Variants in TMPPE observed in about 807,000 individuals in gnomAD.
TMPPE encodes transmembrane protein with metallophosphoesterase domain.
A neutral mutation model predicts 22.6 loss-of-function variants in TMPPE; 16 were observed. The observed-to-expected ratio is 0.71, with a 90% CI of 0.48 to 1.08. The LOEUF (loss-of-function observed/expected upper bound fraction) is 1.08. Ranked by LOEUF, TMPPE falls within the 50% of genes least tolerant of loss-of-function variation. The probability of loss-of-function intolerance (pLI) is 0.00; values close to 1 mark genes in which losing one functional copy is unlikely to be tolerated. For synonymous variants in TMPPE, 240 were observed against 245.3 expected, an observed-to-expected ratio of 0.98 and a Z score of 0.20; for missense variants, 526 against 584.3, an observed-to-expected ratio of 0.90 and a Z score of 1.03.
intron 1 of TMPPE, among the ~76,000 whole-genome samples, chr3:33,095,908 C>T (rs1701005291): frequency 6.6e-6 from 1 of 152,136 alleles, no homozygotes; most frequent in South Asian, 2.1e-4. Flanking sequence ...GAACCACAGA[C>T]GGGGTGAAGA....
At position 33,093,963 on chromosome 3, in the gene TMPPE, T is replaced by C; in HGVS notation, c.233A>G (p.Glu78Gly). 2 of 1,614,160 alleles carry C rather than the reference T, an allele frequency of 1.2e-6. No individual in the cohort carries two copies. The highest frequency in any genetic ancestry group is 1.7e-6 in the Non-Finnish European group (2 of 1,180,014). The change falls in exon 2 of 2, where the codon GAG (glutamate) becomes GGG (glycine). Residue 78 changes from glutamate (E) to glycine (G), a missense_variant. Glu to Gly is a moderately conservative substitution (Grantham distance 98). Transcript: ENST00000342462. This position sits in a 1 kb window ranked among gnomAD's most constrained non-coding sequence, Gnocchi z 6.0. ...VSNLCHSPAA[E>G]STCFQLWKVV... The stretch of plus-strand genomic sequence containing the variant: ...CTTCCAAAGCTGAAAACAGGTTGAC[T>C]CTGCAGCTGGGGAGTGGCAGAGGTT...
rs2125586153 is a variant in TMPPE, at chr3:33,093,798, A to C, written c.398T>G (p.Phe133Cys). ...GAYIIMLFFL[F>C]ILSGMEQAYQ... ...GGCCTGCTCCATGCCGCTGAGGATG[A>C]AGAGGAAGAAGAGCATGATGATGTA... Residue 133 changes from phenylalanine to cysteine, a missense_variant, in exon 2 of 2, where the codon TTC becomes TGC. Coordinates refer to ENST00000342462, the MANE Select transcript of TMPPE (RefSeq NM_001039770.3). The surrounding 1 kb of genome is among the most constrained non-coding windows in gnomAD (Gnocchi z 6.0). The C allele has an allele frequency of 1.2e-6, 2 of 1,613,488 alleles. No homozygotes were observed. The highest frequency in any genetic ancestry group is 8.5e-7 in the Non-Finnish European group (1 of 1,179,694).
intron 1 of TMPPE, 58 bp from the exon 2 acceptor site, chr3:33,094,361 C>CTTTTTT: frequency 7.2e-7 from 1 of 1,383,236 alleles, no homozygotes; most frequent in Admixed American, 3.2e-5. Context: ...TGTACCCATT[C>CTTTTTT]AAAACTCAAA....
At position 33,093,777 on chromosome 3, in the gene TMPPE, T is replaced by G. The variant is rs958407806; in HGVS notation, c.419A>C (p.Gln140Pro). Residue 140 changes from glutamine (Q) to proline (P), a missense_variant, in exon 2 of 2, where the codon CAG becomes CCG. Physicochemically the swap from Gln to Pro is moderately conservative, Grantham distance 76. Transcript: ENST00000342462. This position sits in a 1 kb window ranked among gnomAD's most constrained non-coding sequence, Gnocchi z 6.0. ...FFLFILSGME[Q>P]AYQLLAWRSG... The stretch of plus-strand genomic sequence containing the variant: ...GCGCCAGGCCAAGAGCTGGTAGGCC[T>G]GCTCCATGCCGCTGAGGATGAAGAG... 6.2e-7 allele frequency: 1 copy of G among 1,613,402 alleles called. No homozygotes were observed. Among genetic ancestry groups the G allele is most frequent in the African/African-American group, 1.3e-5 (1 of 74,902 alleles).
In TMPPE at chr3:33,092,723, T is replaced by C. The variant is rs986899783; in HGVS notation, c.*111A>G. 19 of 1,484,806 alleles carry C rather than the reference T, an allele frequency of 1.3e-5. No individual in the cohort carries two copies. Among genetic ancestry groups the C allele is most frequent in the Admixed American group, 2.4e-5 (1 of 41,628 alleles). 92.0% of individuals were successfully genotyped at this position (1,484,806 alleles called of 1,614,324 possible). Reference sequence around the variant, plus strand: ...AGTCAGGCTTGTGACCAAGGGTGTGTAGGCAAGGATGAGTGGGCAAGGCTG... The same window carrying C: ...AGTCAGGCTTGTGACCAAGGGTGTGCAGGCAAGGATGAGTGGGCAAGGCTG... On this transcript the variant is annotated 3_prime_UTR_variant, in exon 2 of 2. Transcript: ENST00000342462.
Position 33,092,756 on chromosome 3 carries a change from A to G in TMPPE, c.*78T>C. The G allele has an allele frequency of 6.6e-7, 1 of 1,517,460 alleles. No individual in the cohort carries two copies. Among genetic ancestry groups the G allele is most frequent in the East Asian group, 2.3e-5 (1 of 44,004 alleles). The allele number at this position is 1,517,460 out of a possible 1,614,324, so 94.0% of individuals were successfully genotyped here. A position where few individuals can be genotyped will look rare whatever the true frequency, so the allele number is the denominator to read the frequency against. On this transcript the variant is annotated 3_prime_UTR_variant, in exon 2 of 2. Transcript: ENST00000342462. ...GATGAGTGGGCAAGGCTGGAGGGGA[A>G]AAGCAGGCAAACCACTCTGAAGCAG...
In TMPPE at chr3:33,093,142, C is replaced by G. The variant is rs745666313; in HGVS notation, c.1054G>C (p.Asp352His). 3 of 1,614,194 alleles carry G rather than the reference C, an allele frequency of 1.9e-6. No individual in the cohort carries two copies. In the South Asian group the frequency reaches 3.3e-5, roughly 18 times the overall value. ...GGGCTGCAGCCCTCCAGGGCCTTGT[C>G]AAGATCCATGCCATGGCCAGAGTAG... is the stretch of plus-strand genomic sequence containing the variant. ...LHYSGHGMDL[D>H]KALEGCSPDH... The change falls in exon 2 of 2, where the codon GAC (aspartate) becomes CAC (histidine). Residue 352 changes from aspartate to histidine, a missense_variant. Coordinates refer to ENST00000342462, the MANE Select transcript of TMPPE (RefSeq NM_001039770.3). This position sits in a 1 kb window ranked among gnomAD's most constrained non-coding sequence, Gnocchi z 6.0.
At position 33,093,377 on chromosome 3, in the gene TMPPE, G is replaced by A. The variant is rs747798378; in HGVS notation, c.819C>T (p.Phe273=). The A allele has an allele frequency of 1.5e-5, 24 of 1,614,138 alleles. No homozygotes were observed. The East Asian group carries it at 3.6e-4, about 24-fold the overall frequency. Residue 273 remains phenylalanine (F), a synonymous_variant, in exon 2 of 2, where the codon TTC becomes TTT. Coordinates refer to ENST00000342462, the MANE Select transcript of TMPPE (RefSeq NM_001039770.3). This position sits in a 1 kb window ranked among gnomAD's most constrained non-coding sequence, Gnocchi z 6.0. ...TGTAGTACTCATGATTGCCTGTGACGAAGTAGGCACCGAGATGTGAATGAA... is the reference window on the plus strand; with the variant it reads ...TGTAGTACTCATGATTGCCTGTGACAAAGTAGGCACCGAGATGTGAATGAA... ...GQLHSHLGAY[F]VTGNHEYYTS... is the part of the protein sequence containing the mutation.
chr3:33,092,636 G>T lies in TMPPE; in HGVS notation c.*198C>A. 7.3e-7 allele frequency: 1 copy of T among 1,365,948 alleles called. No individual in the cohort carries two copies. The highest frequency in any genetic ancestry group is 9.4e-7 in the Non-Finnish European group (1 of 1,060,636). 84.6% of individuals were successfully genotyped at this position (1,365,948 alleles called of 1,614,324 possible). On this transcript the variant is annotated 3_prime_UTR_variant, in exon 2 of 2. Coordinates refer to ENST00000342462, the MANE Select transcript of TMPPE (RefSeq NM_001039770.3). ...ACAAGTGCATCAAAAAAAGCAACTGGCCAAGGAAATAGTTAAACCAGCCTG... is the reference window on the plus strand; with the variant it reads ...ACAAGTGCATCAAAAAAAGCAACTGTCCAAGGAAATAGTTAAACCAGCCTG...
At chr3:33,095,483 C>G (rs1386017409) in intron 1 of TMPPE, among the ~76,000 whole-genome samples, 4 of 152,114 alleles carry the variant, frequency 2.6e-5, no homozygotes, top group Non-Finnish European at 5.9e-5. Context: ...TAATGGAAAG[C>G]TAGACTGCTG....
intron 1 of TMPPE, chr3:33,096,518 G>A: frequency 1.0e-6 from 1 of 985,366 alleles, no homozygotes; most frequent in Non-Finnish European, 1.2e-6. Flanking sequence ...TGCACGAAGA[G>A]GGAGAGCACC....
At position 33,097,142 on chromosome 3, in the gene TMPPE, T is replaced by C. The variant is rs375278103; in HGVS notation, c.-532A>G. On this transcript the variant is annotated 5_prime_UTR_variant, in exon 1 of 2. Coordinates refer to ENST00000342462, the MANE Select transcript of TMPPE (RefSeq NM_001039770.3). ...CCCAGGCCGGCCGCTTCGCGTCACT[T>C]GACTAAGGACCCACGGCCTGGCACC... 3.1e-6 allele frequency: 5 copies of C among 1,597,722 alleles called. No homozygotes were observed. Among genetic ancestry groups the C allele is most frequent in the Non-Finnish European group, 4.3e-6 (5 of 1,171,514 alleles).
In TMPPE at chr3:33,090,684, C is replaced by T. The variant is rs762998855; in HGVS notation, c.*2150G>A. On this transcript the variant is annotated 3_prime_UTR_variant, in exon 2 of 2. Coordinates refer to ENST00000342462, the MANE Select transcript of TMPPE (RefSeq NM_001039770.3). ...TAAAGGTGTCATGGAGACCTGCCCA[C>T]CAGGGCCAGAATCTGGACAGTGATG... 2 of 985,412 alleles carry T rather than the reference C, an allele frequency of 2.0e-6. No homozygotes were observed. Among genetic ancestry groups the T allele is most frequent in the East Asian group, 2.3e-4 (2 of 8,820 alleles). 61.0% of individuals were successfully genotyped at this position (985,412 alleles called of 1,614,324 possible).
At chr3:33,096,094 C>A (rs1445303447) in intron 1 of TMPPE, among the ~76,000 whole-genome samples, 1 of 152,202 alleles carries the variant, frequency 6.6e-6, no homozygotes, top group Non-Finnish European at 1.5e-5. Flanking sequence ...TCAACGGTGT[C>A]AAATGCTACC....
chr3:33,090,829 G>A lies in TMPPE; in HGVS notation c.*2005C>T. The stretch of plus-strand genomic sequence containing the variant: ...CCTGTTTTCTTTCTGCTAATAGAAA[G>A]CAATCAGTCAAGCAAGGACTTCAGA... On this transcript the variant is annotated 3_prime_UTR_variant, in exon 2 of 2. Transcript: ENST00000342462. The A allele has an allele frequency of 1.0e-6, 1 of 985,318 alleles. No homozygotes were observed. Among genetic ancestry groups the A allele is most frequent in the Non-Finnish European group, 1.2e-6 (1 of 829,932 alleles). The allele number at this position is 985,318 out of a possible 1,614,324, so 61.0% of individuals were successfully genotyped here.
At chr3:33,095,236 G>A (rs200152866) in intron 1 of TMPPE, among the ~76,000 whole-genome samples, 2,974 of 138,156 alleles carry the variant, frequency 0.022, 54 homozygotes, top group African/African-American at 0.042. Context: ...AAAAAAAAAA[G>A]GAATATTCTC....
Position 33,091,183 on chromosome 3 carries a change from G to A in TMPPE, c.*1651C>T, listed in dbSNP as rs554794864. The A allele has an allele frequency of 4.1e-6, 4 of 985,404 alleles. No individual in the cohort carries two copies. Among genetic ancestry groups the A allele is most frequent in the Admixed American group, 1.2e-4 (2 of 16,276 alleles). The allele number at this position is 985,404 out of a possible 1,614,324, so 61.0% of individuals were successfully genotyped here. On this transcript the variant is annotated 3_prime_UTR_variant, in exon 2 of 2. Coordinates refer to ENST00000342462, the MANE Select transcript of TMPPE (RefSeq NM_001039770.3). ...AGTGAGTTTGGAAGGACAGTGAAGA[G>A]AGAAAAAAGAATAAGGAAACCACCA...
rs1700814172 is a variant in TMPPE at position 33,092,659 on chromosome 3, C to T, written c.*175G>A. The T allele has an allele frequency of 1.6e-5, 22 of 1,393,676 alleles. No homozygotes were observed. The South Asian group carries it at 3.9e-4, about 24-fold the overall frequency. The allele number at this position is 1,393,676 out of a possible 1,614,324, so 86.3% of individuals were successfully genotyped here. On this transcript the variant is annotated 3_prime_UTR_variant, in exon 2 of 2. Transcript: ENST00000342462. ...TGGCCAAGGAAATAGTTAAACCAGCCTGAACATGCCAGGCAGGCCCACCAT... is the reference window on the plus strand; with the variant it reads ...TGGCCAAGGAAATAGTTAAACCAGCTTGAACATGCCAGGCAGGCCCACCAT...
At chr3:33,095,075 G>T (rs1700953326) in intron 1 of TMPPE, among the ~76,000 whole-genome samples, 1 of 151,994 alleles carries the variant, frequency 6.6e-6, no homozygotes, top group Non-Finnish European at 1.5e-5. Flanking sequence ...GCCAGGCATG[G>T]TGGTGGATGC....
Sources: gnomAD v4.1 joint callset for allele counts (sites outside exome capture counted in the v4.1 genomes callset) on GRCh38, gnomAD v4.1.1 for gene constraint, Gnocchi (gnomAD v3.1) non-coding constraint, MANE v1.5 for transcripts, NCBI Gene and HGNC (gene_info 2026-07-23, HGNC 2026-07-21) for gene names.